Variants in DNAH12 observed in about 807,000 individuals in gnomAD.
DNAH12 encodes axonemal beta dynein heavy chain 12.
In DNAH12, 285 loss-of-function variants were observed where a neutral mutation model predicts 371.5. The ratio of observed to expected loss-of-function variants is 0.77; its 90% CI spans 0.70 to 0.85. The LOEUF is 0.85. DNAH12 is among the 40% of genes least tolerant of loss of function. The pLI is 0.00. For missense variants in DNAH12, 3,611 were observed against 3,689.4 expected, an observed-to-expected ratio of 0.98 and a Z score of 0.55; for synonymous variants, 1,200 against 1,213.0, an observed-to-expected ratio of 0.99 and a Z score of 0.22.
At position 57,301,676 on chromosome 3, in the gene DNAH12, TTACACACACACACA is replaced by T; in HGVS notation, c.11394+45_11394+58del. ...TATTTTACATATTTATACATGTATT[TTACACACACACACA>T]CACACACACACACACACACACACAC... On this transcript the variant is annotated intron_variant, in intron 70 of 73. Coordinates refer to ENST00000495027, the MANE Select transcript of DNAH12 (RefSeq NM_001366028.2). The T allele has an allele frequency of 3.5e-6, 5 of 1,423,352 alleles. No individual in the cohort carries two copies. In the South Asian group the frequency reaches 6.4e-5, roughly 18 times the overall value. The allele number at this position is 1,423,352 out of a possible 1,614,324, so 88.2% of individuals were successfully genotyped here.
intron 60 of DNAH12, among the ~76,000 whole-genome samples, chr3:57,342,650 T>TAAAA (rs2062432454): frequency 9.5e-5 from 1 of 10,562 alleles, no homozygotes; most frequent in Non-Finnish European, 1.9e-4. Context: ...AGACTGAGAC[T>TAAAA]CAAAAAAAAA....
chr3:57,497,857 G>A (rs2067371786), intron 11 of DNAH12: 2 of 152,062 alleles, frequency 1.3e-5, no homozygotes, highest in African/African-American at 4.8e-5. Context: ...TAAACTATGA[G>A]ATAATATTTG....
At chr3:57,485,399 C>A (rs1005726454) in intron 12 of DNAH12, among the ~76,000 whole-genome samples, 2 of 139,406 alleles carry the variant, frequency 1.4e-5, no homozygotes, top group Middle Eastern at 3.7e-3. Flanking sequence ...GAGCTGGAGG[C>A]CATTATTCTT....
chr3:57,416,483 A>C (rs2064380384), intron 37 of DNAH12, among the ~76,000 whole-genome samples: 1 of 152,208 alleles, frequency 6.6e-6, no homozygotes, highest in African/African-American at 2.4e-5. Flanking sequence ...TAATATGCTT[A>C]ACTTTTCAGA....
intron 15 of DNAH12, 81 bp downstream of exon 15, chr3:57,471,391 C>G (rs2066362859): frequency 7.8e-7 from 1 of 1,282,920 alleles, no homozygotes; most frequent in African/African-American, 1.6e-5. Context: ...ACATATTTTT[C>G]TATACTTTTA....
chr3:57,406,035 T>C, intron 40 of DNAH12, 83 bp from the exon 41 acceptor site: 1 of 1,354,398 alleles, frequency 7.4e-7, no homozygotes, highest in Non-Finnish European at 9.9e-7. Flanking sequence ...TTATACAAAA[T>C]ATTTTATTTA....
At chr3:57,553,333 T>G in the DNAH12 span, among the ~76,000 whole-genome samples, 2 of 152,288 alleles carry the variant, frequency 1.3e-5, no homozygotes, top group African/African-American at 2.4e-5. Flanking sequence ...TGTTCCTGAG[T>G]ATCCATGTGG....
intron 65 of DNAH12, among the ~76,000 whole-genome samples, chr3:57,315,001 G>C (rs1229546413): frequency 6.6e-6 from 1 of 152,140 alleles, no homozygotes; most frequent in Non-Finnish European, 1.5e-5. Flanking sequence ...AAGTGCAGGG[G>C]AATGATTAAC....
intron 39 of DNAH12, among the ~76,000 whole-genome samples, chr3:57,412,621 T>C (rs750239539): frequency 3.9e-5 from 6 of 152,098 alleles, no homozygotes; most frequent in Non-Finnish European, 5.9e-5. Context: ...AATTTAAAAA[T>C]GGCCAAAGAC....
At chr3:57,447,945 G>C (rs1018811536) in intron 25 of DNAH12, among the ~76,000 whole-genome samples, 3 of 152,160 alleles carry the variant, frequency 2.0e-5, no homozygotes, top group Non-Finnish European at 4.4e-5. Flanking sequence ...AAAGTCCTGG[G>C]ATTATAGGCA....
At chr3:57,444,915 C>T (rs887920634) in intron 28 of DNAH12, 99 bp from the exon 29 acceptor site, 2 of 1,413,996 alleles carry the variant, frequency 1.4e-6, no homozygotes, top group Non-Finnish European at 1.9e-6. Context: ...ACCCCACCCC[C>T]CTGGCTAAAA....
At chr3:57,536,509 A>C (rs1249531753) in intron 2 of DNAH12, among the ~76,000 whole-genome samples, 1 of 152,208 alleles carries the variant, frequency 6.6e-6, no homozygotes, top group East Asian at 1.9e-4. Flanking sequence ...TTCCCTGTTC[A>C]ATCTTACTAA....
chr3:57,392,747 T>C (rs2153347588), intron 44 of DNAH12, among the ~76,000 whole-genome samples: 1 of 152,230 alleles, frequency 6.6e-6, no homozygotes, highest in South Asian at 2.1e-4. Context: ...ATAGCAAATA[T>C]AAAACAGAAA....
In DNAH12 at chr3:57,446,807, TAC is replaced by T. The variant is rs1323405419; in HGVS notation, c.3787-120_3787-119del. 4.6e-5 allele frequency: 49 copies of T among 1,061,096 alleles called. No homozygotes were observed. The Middle Eastern group carries it at 2.2e-3, about 47-fold the overall frequency. 65.7% of individuals were successfully genotyped at this position (1,061,096 alleles called of 1,614,324 possible). ...AGCTTCAGAGAAGCCATTATATAAT[TAC>T]ATTGTTTAATTTTTAGCCCAAATTT... On this transcript the variant is annotated intron_variant, in intron 25 of 73. Transcript: ENST00000495027.
intron 69 of DNAH12, among the ~76,000 whole-genome samples, chr3:57,307,941 T>C (rs1322905622): frequency 2.6e-5 from 4 of 152,204 alleles, no homozygotes; most frequent in Non-Finnish European, 4.4e-5. Flanking sequence ...ACCTGCCTCT[T>C]AGAACCTCTC....
At chr3:57,330,909 A>G (rs966283582) in intron 62 of DNAH12, among the ~76,000 whole-genome samples, 9 of 151,996 alleles carry the variant, frequency 5.9e-5, no homozygotes, top group African/African-American at 1.9e-4. Context: ...CAATCAATCA[A>G]TCAATTCCCC....
intron 66 of DNAH12, among the ~76,000 whole-genome samples, chr3:57,313,092 A>C (rs1200953289): frequency 9.2e-5 from 14 of 152,176 alleles, no homozygotes; most frequent in African/African-American, 3.4e-4. Flanking sequence ...AGAGCAGAAA[A>C]ATATTAATAT....
At chr3:57,358,179 T>C (rs1028079868) in intron 58 of DNAH12, among the ~76,000 whole-genome samples, 2 of 152,190 alleles carry the variant, frequency 1.3e-5, no homozygotes, top group African/African-American at 2.4e-5. Context: ...AGATCCAAGA[T>C]AAGGTAATCA....
chr3:57,453,779 T>A (rs776807674), intron 23 of DNAH12, among the ~76,000 whole-genome samples: 2 of 152,098 alleles, frequency 1.3e-5, no homozygotes, highest in Non-Finnish European at 2.9e-5. Context: ...TTTACCATGT[T>A]GGCCAGGCTG....
Sources: allele counts gnomAD v4.1 joint callset (sites outside exome capture counted in the v4.1 genomes callset), GRCh38; gene constraint gnomAD v4.1.1; transcripts MANE v1.5; gene names NCBI Gene and HGNC (gene_info 2026-07-23, HGNC 2026-07-21).